Variants in TNIK observed in about 807,000 individuals in gnomAD.
The protein encoded by TNIK is TRAF2 and NCK-interacting protein kinase.
In TNIK, 49 loss-of-function variants were observed where a neutral mutation model predicts 191.3. That is an observed-to-expected ratio of 0.26 (90% CI 0.20 to 0.32). The LOEUF (loss-of-function observed/expected upper bound fraction) is 0.32, where lower values mean the gene tolerates loss of function less well. Ranked by LOEUF, TNIK falls within the 10% of genes least tolerant of loss-of-function variation. TNIK has a pLI of 1.00. For missense variants in TNIK, 1,155 were observed against 1,702.3 expected (o/e 0.68, Z 5.66); for synonymous variants, 594 against 600.9 (o/e 0.99, Z 0.17).
chr3:171,151,808 A>T (rs1008639279), intron 12 of TNIK, among the ~76,000 whole-genome samples: 1 of 152,168 alleles, frequency 6.6e-6, no homozygotes, highest in African/African-American at 2.4e-5. Flanking sequence ...ATTCTTAGAG[A>T]AACTTGCAGC....
intron 2 of TNIK, among the ~76,000 whole-genome samples, chr3:171,241,835 C>T (rs958871872): frequency 6.6e-6 from 1 of 151,998 alleles, no homozygotes; most frequent in Non-Finnish European, 1.5e-5. Flanking sequence ...TACTATGCAG[C>T]CATAAAAAAG....
chr3:171,138,081 T>C (rs1730293066), intron 15 of TNIK, 110 bp downstream of exon 15: 3 of 1,036,014 alleles, frequency 2.9e-6, no homozygotes, highest in Non-Finnish European at 3.9e-6. Context: ...TGTCTTATGA[T>C]GAATTGTTTT....
At chr3:171,266,131 G>C (rs564059710) in intron 2 of TNIK, among the ~76,000 whole-genome samples, 2 of 152,076 alleles carry the variant, frequency 1.3e-5, no homozygotes, top group East Asian at 3.8e-4. Context: ...GAAGATAGGA[G>C]GAAAGAGAAG....
intron 1 of TNIK, among the ~76,000 whole-genome samples, chr3:171,405,937 ATCTG>A (rs777744576): frequency 7.9e-5 from 12 of 152,352 alleles, no homozygotes; most frequent in Admixed American, 3.3e-4. Context: ...CAAAGAAATC[ATCTG>A]TCTAAGTCCC....
At chr3:171,424,348 G>A (rs1461302245) in intron 1 of TNIK, among the ~76,000 whole-genome samples, 4 of 152,228 alleles carry the variant, frequency 2.6e-5, no homozygotes. Flanking sequence ...TGCTGGAGAG[G>A]ATGTGGAGAA....
intron 3 of TNIK, among the ~76,000 whole-genome samples, chr3:171,211,859 A>G (rs1010741143): frequency 5.9e-5 from 9 of 152,202 alleles, no homozygotes; most frequent in African/African-American, 2.2e-4. Flanking sequence ...ATGTAAAAAG[A>G]GACAACTCTC....
At chr3:171,154,879 C>T (rs1419914717) in intron 12 of TNIK, among the ~76,000 whole-genome samples, 1 of 152,178 alleles carries the variant, frequency 6.6e-6, no homozygotes, top group East Asian at 1.9e-4. Context: ...GAAGCCACGT[C>T]CTTTTCATAA....
chr3:171,423,092 G>A (rs1724042479), intron 1 of TNIK, among the ~76,000 whole-genome samples: 2 of 151,886 alleles, frequency 1.3e-5, no homozygotes, highest in African/African-American at 4.8e-5. Flanking sequence ...ATATAAATCT[G>A]GGCACCAAAA....
chr3:171,127,038 G>A (rs1728571540), intron 16 of TNIK, among the ~76,000 whole-genome samples: 1 of 152,228 alleles, frequency 6.6e-6, no homozygotes, highest in African/African-American at 2.4e-5. Context: ...CCTAGAGAGA[G>A]GCACTATGTC....
rs1396295491 is a variant in TNIK, at chr3:171,157,493, C to T, written c.1188G>A (p.Glu396=). 6.4e-7 allele frequency: 1 copy of T among 1,574,466 alleles called. No homozygotes were observed. The highest frequency in any genetic ancestry group is 8.6e-7 in the Non-Finnish European group (1 of 1,160,500). The change falls in exon 12 of 33, where the codon GAG becomes GAA. Residue 396 remains glutamate, a synonymous_variant. Transcript: ENST00000436636. ...QLLAERQKRI[E]EQKEQRRRLE... Reference sequence around the variant, plus strand: ...GCCGCCGCCTCTGCTCTTTCTGCTCCTCGATGCGCTTCTGACGCTCGGCCA... The same window carrying T: ...GCCGCCGCCTCTGCTCTTTCTGCTCTTCGATGCGCTTCTGACGCTCGGCCA...
intron 10 of TNIK, among the ~76,000 whole-genome samples, chr3:171,162,911 A>T (rs113259812): frequency 3.5e-4 from 54 of 152,368 alleles, no homozygotes; most frequent in African/African-American, 1.3e-3. Flanking sequence ...GAGCAATGAG[A>T]TATCAAAGAA....
chr3:171,245,898 AAG>A (rs754405730), intron 2 of TNIK, among the ~76,000 whole-genome samples: 1 of 152,156 alleles, frequency 6.6e-6, no homozygotes, highest in Non-Finnish European at 1.5e-5. Flanking sequence ...TATTGGAAAT[AAG>A]AGAGAGAGAA....
At chr3:171,069,344 T>A (rs61791142) in intron 29 of TNIK, among the ~76,000 whole-genome samples, 9,997 of 152,202 alleles carry the variant, frequency 0.066, 423 homozygotes, top group Middle Eastern at 0.13. Flanking sequence ...CCCAGTCACC[T>A]CTCTGGCCCC....
rs1692823445 is a variant in TNIK at position 171,157,513 on chromosome 3, C to T, written c.1168G>A (p.Glu390Lys). Residue 390 changes from glutamate (E) to lysine (K), a missense_variant, in exon 12 of 33, where the codon GAG becomes AAG. Physicochemically the swap from Glu to Lys is moderately conservative, Grantham distance 56 (BLOSUM62 1). This residue lies in a region of TNIK where 735 missense variants were observed against 848.0 expected (regional missense o/e 0.87). Transcript: ENST00000436636. Reference sequence around the variant, plus strand: ...TGCTCCTCGATGCGCTTCTGACGCTCGGCCAGCAGCTGCCGCTTGTGCTCC... The same window carrying T: ...TGCTCCTCGATGCGCTTCTGACGCTTGGCCAGCAGCTGCCGCTTGTGCTCC... ...NEEHKRQLLA[E>K]RQKRIEEQKE... 1.3e-6 allele frequency: 2 copies of T among 1,574,186 alleles called. No individual in the cohort carries two copies. The highest frequency in any genetic ancestry group is 1.4e-5 in the African/African-American group (1 of 73,868).
At chr3:171,338,506 GGAGA>G (rs1165730487) in intron 2 of TNIK, among the ~76,000 whole-genome samples, 1 of 151,720 alleles carries the variant, frequency 6.6e-6, no homozygotes, top group Non-Finnish European at 1.5e-5. Context: ...TTTTTCTGTT[GGAGA>G]CAATGTCTCG....
At chr3:171,135,204 C>T (rs764205362) in intron 15 of TNIK, among the ~76,000 whole-genome samples, 6 of 152,156 alleles carry the variant, frequency 3.9e-5, no homozygotes, top group Non-Finnish European at 8.8e-5. Flanking sequence ...AGTTTTGAAA[C>T]GTGTATTACT....
At chr3:171,121,461 T>G (rs1044613412) in intron 18 of TNIK, among the ~76,000 whole-genome samples, 1 of 152,198 alleles carries the variant, frequency 6.6e-6, no homozygotes, top group South Asian at 2.1e-4. Context: ...TCAAAAGTAC[T>G]AGTGCATTGG....
intron 3 of TNIK, among the ~76,000 whole-genome samples, chr3:171,213,562 A>T (rs1378350274): frequency 6.6e-6 from 1 of 152,192 alleles, no homozygotes; most frequent in Admixed American, 6.5e-5. Flanking sequence ...TCACCATGTC[A>T]TTAAGAAAAT....
At chr3:171,436,452 C>T (rs912295781) in intron 1 of TNIK, among the ~76,000 whole-genome samples, 2 of 152,180 alleles carry the variant, frequency 1.3e-5, no homozygotes, top group Non-Finnish European at 2.9e-5. Context: ...CAGCAATAGT[C>T]CTATGTGTAC....
Sources: allele counts gnomAD v4.1 joint callset (sites outside exome capture counted in the v4.1 genomes callset), GRCh38; gene constraint gnomAD v4.1.1; regional missense constraint gnomAD v4.1.1; transcripts MANE v1.5; gene names NCBI Gene and HGNC (gene_info 2026-07-23, HGNC 2026-07-21).